CYRIB: variants seen among roughly 807,000 people sequenced by gnomAD.
CYRIB encodes CYFIP related Rac1 interactor B, also known as CYFIP-related Rac1 interactor B.
Under a neutral mutation model 44.2 loss-of-function variants are expected in CYRIB, and 8 were observed. The ratio of observed to expected loss-of-function variants is 0.18; its 90% CI spans 0.11 to 0.33. The LOEUF is 0.33. Ranked by LOEUF, CYRIB falls within the 10% of genes least tolerant of loss-of-function variation. The pLI is 1.00. For synonymous variants in CYRIB, 131 were observed against 127.2 expected (o/e 1.03, Z -0.20); for missense variants, 185 against 382.8 (o/e 0.48, Z 4.31).
At chr8:129,911,596 T>G (rs1416572821) in intron 1 of CYRIB, among the ~76,000 whole-genome samples, 1 of 151,966 alleles carries the variant, frequency 6.6e-6, no homozygotes, top group East Asian at 1.9e-4. Flanking sequence ...GGTCAGGGGT[T>G]CAAGACCAGC....
intron 5 of CYRIB, 113 bp downstream of exon 7, chr8:129,862,116 A>C (rs147702228): frequency 1.4e-6 from 1 of 725,024 alleles, no homozygotes; most frequent in South Asian, 1.8e-5. Flanking sequence ...TTTACTTATA[A>C]AACAGATACT....
At chr8:129,867,463 G>A (rs1164364771) in intron 4 of CYRIB, among the ~76,000 whole-genome samples, 1 of 151,526 alleles carries the variant, frequency 6.6e-6, no homozygotes. Flanking sequence ...AAGTTAAAAT[G>A]GTTAGGGACA....
chr8:129,922,973 T>C (rs1469558181), intron 1 of CYRIB, among the ~76,000 whole-genome samples: 3 of 151,120 alleles, frequency 2.0e-5, no homozygotes, highest in Non-Finnish European at 4.4e-5. Flanking sequence ...CTCACTCCTG[T>C]AATCCCAGCA....
At chr8:129,976,686 C>G (rs2095933913) in intron 1 of CYRIB, among the ~76,000 whole-genome samples, 2 of 152,136 alleles carry the variant, frequency 1.3e-5, no homozygotes, top group Non-Finnish European at 2.9e-5. Flanking sequence ...GGCTGCCTCT[C>G]TGAGCGTGAA....
chr8:129,896,889 T>C (rs2068344592), intron 2 of CYRIB: 1 of 152,230 alleles, frequency 6.6e-6, no homozygotes, highest in South Asian at 2.1e-4. Flanking sequence ...GAATTTGGCA[T>C]ATAGAAGTAA....
intron 1 of CYRIB, among the ~76,000 whole-genome samples, chr8:129,926,626 A>AACATTTC (rs1377746162): frequency 6.6e-5 from 10 of 152,238 alleles, no homozygotes; most frequent in African/African-American, 2.4e-4. Flanking sequence ...AGCGGAGAGA[A>AACATTTC]ACATTTCAGA....
At chr8:129,948,556 C>G (rs2094314895) in intron 2 of CYRIB, 1 of 152,176 alleles carries the variant, frequency 6.6e-6, no homozygotes, top group Non-Finnish European at 1.5e-5. Context: ...CAGGAAAAGG[C>G]ACAGGCACAG....
At chr8:129,919,823 AAAT>A (rs2082625045) in intron 1 of CYRIB, among the ~76,000 whole-genome samples, 1 of 152,324 alleles carries the variant, frequency 6.6e-6, no homozygotes, top group African/African-American at 2.4e-5. Flanking sequence ...TAACATAATA[AAAT>A]AATACTAAAA....
chr8:129,967,505 G>C (rs370846344), intron 2 of CYRIB, among the ~76,000 whole-genome samples: 1 of 151,352 alleles, frequency 6.6e-6, no homozygotes, highest in African/African-American at 2.4e-5. Context: ...TCAGCCTCCC[G>C]AGTAGCTGGG....
chr8:129,868,434 C>G (rs917048532), intron 4 of CYRIB, among the ~76,000 whole-genome samples: 1 of 152,166 alleles, frequency 6.6e-6, no homozygotes, highest in African/African-American at 2.4e-5. Flanking sequence ...AGATGAATTA[C>G]TTACCATTGC....
intron 1 of CYRIB, among the ~76,000 whole-genome samples, chr8:129,919,964 G>A (rs766904634): frequency 4.6e-5 from 7 of 151,740 alleles, no homozygotes; most frequent in South Asian, 2.1e-4. Context: ...TTTCTATCCC[G>A]TTTGCTATCC....
chr8:130,010,629 C>T (rs912548276), intron 1 of CYRIB, among the ~76,000 whole-genome samples: 11 of 152,176 alleles, frequency 7.2e-5, no homozygotes, highest in African/African-American at 2.7e-4. Flanking sequence ...TGGTCTCTCT[C>T]CCACCCCTTC....
At chr8:129,857,807 C>T (rs1007473591) in intron 5 of CYRIB, among the ~76,000 whole-genome samples, 13 of 151,812 alleles carry the variant, frequency 8.6e-5, no homozygotes, top group East Asian at 1.9e-4. Context: ...AGAGAGACAC[C>T]GAACAGAAAA....
chr8:129,849,435 C>T, intron 9 of CYRIB, 66 bp from the exon 12 acceptor site: 1 of 1,485,380 alleles, frequency 6.7e-7, no homozygotes, highest in Non-Finnish European at 9.1e-7. Flanking sequence ...AACACACACA[C>T]ACAAGAAAAA....
chr8:130,013,325 C>T (rs916327116), intron 1 of CYRIB, among the ~76,000 whole-genome samples: 6 of 152,146 alleles, frequency 3.9e-5, no homozygotes, highest in African/African-American at 1.4e-4. Flanking sequence ...TCCATGCACA[C>T]GAGCAGTGAG....
chr8:130,016,871 C>T (rs2097358689), upstream of CYRIB: 2 of 152,160 alleles, frequency 1.3e-5, no homozygotes, highest in South Asian at 4.1e-4. Flanking sequence ...GGTCATCGCC[C>T]TCATTGTGCG....
chr8:129,890,521 G>A (rs560695720), intron 2 of CYRIB: 1 of 152,204 alleles, frequency 6.6e-6, no homozygotes, highest in Non-Finnish European at 1.5e-5. Context: ...TAACCCTTCT[G>A]AAAATATTCA....
At chr8:129,942,246 G>A (rs1054738268), upstream of CYRIB, among the ~76,000 whole-genome samples, 2 of 152,238 alleles carry the variant, frequency 1.3e-5, no homozygotes, top group African/African-American at 4.8e-5. Context: ...GGCTGAGGCA[G>A]GAGAATCGCT....
At chr8:129,993,215 A>C (rs950227696) in intron 1 of CYRIB, among the ~76,000 whole-genome samples, 1 of 151,536 alleles carries the variant, frequency 6.6e-6, no homozygotes, top group African/African-American at 2.4e-5. Context: ...ACATAGTGAA[A>C]CCCCCGTGCC....
Sources: gnomAD v4.1 joint callset for allele counts (sites outside exome capture counted in the v4.1 genomes callset) on GRCh38, gnomAD v4.1.1 for gene constraint, MANE v1.5 for transcripts, NCBI Gene and HGNC (gene_info 2026-07-23, HGNC 2026-07-21) for gene names.